ITFG1: variants seen among roughly 807,000 people sequenced by gnomAD.
ITFG1 encodes the protein T-cell immunomodulatory protein.
In ITFG1, 34 loss-of-function variants were observed where a neutral mutation model predicts 81.8. The ratio of observed to expected loss-of-function variants is 0.42; its 90% CI spans 0.32 to 0.55. ITFG1 has a LOEUF of 0.55. Ranked by LOEUF, ITFG1 falls within the 20% of genes least tolerant of loss-of-function variation. The pLI is 0.17. For synonymous variants in ITFG1, 285 were observed against 270.6 expected (o/e 1.05, Z -0.52); for missense variants, 672 against 755.4 (o/e 0.89, Z 1.29).
At chr16:47,251,617 C>T (rs1427364354) in intron 12 of ITFG1, among the ~76,000 whole-genome samples, 1 of 152,184 alleles carries the variant, frequency 6.6e-6, no homozygotes, top group Non-Finnish European at 1.5e-5. Flanking sequence ...CAAAGATGAG[C>T]ATATTACAGT....
intron 14 of ITFG1, among the ~76,000 whole-genome samples, chr16:47,163,056 G>T (rs1227705583): frequency 6.6e-6 from 1 of 152,048 alleles, no homozygotes; most frequent in African/African-American, 2.4e-5. Context: ...CCTGCCTCGG[G>T]CTCTCAAAAT....
intron 8 of ITFG1, among the ~76,000 whole-genome samples, chr16:47,342,813 C>T (rs1596912156): frequency 1.3e-5 from 2 of 152,112 alleles, no homozygotes; most frequent in Middle Eastern, 6.8e-3. Context: ...AGTTGAAATG[C>T]TTGTAAACTA....
At chr16:47,452,680 T>G (rs185008251) in intron 4 of ITFG1, 53 bp downstream of exon 4, 9 of 1,222,924 alleles carry the variant, frequency 7.4e-6, no homozygotes, top group Non-Finnish European at 1.1e-5. Flanking sequence ...TGTGAAGATT[T>G]TATTTTATGT....
At chr16:47,394,409 G>T (rs969777313) in intron 6 of ITFG1, among the ~76,000 whole-genome samples, 1 of 152,016 alleles carries the variant, frequency 6.6e-6, no homozygotes, top group African/African-American at 2.4e-5. Context: ...TTTGAGAATC[G>T]CTCATGACTC....
intron 5 of ITFG1, among the ~76,000 whole-genome samples, chr16:47,450,641 A>C (rs944119446): frequency 1.3e-5 from 2 of 152,220 alleles, no homozygotes; most frequent in Admixed American, 1.3e-4. Flanking sequence ...AGACAGATTG[A>C]TAAGGGTGGT....
chr16:47,309,799 G>T (rs1967228346), intron 10 of ITFG1, among the ~76,000 whole-genome samples: 1 of 152,096 alleles, frequency 6.6e-6, no homozygotes, highest in South Asian at 2.1e-4. Flanking sequence ...AATGGCAAAG[G>T]AATTGTTAAC....
chr16:47,327,307 C>T (rs1210151723), intron 8 of ITFG1, among the ~76,000 whole-genome samples: 2 of 152,132 alleles, frequency 1.3e-5, no homozygotes, highest in African/African-American at 4.8e-5. Context: ...TTCCTTACAC[C>T]TTATACAAAA....
At chr16:47,253,475 C>G (rs576768885) in intron 12 of ITFG1, among the ~76,000 whole-genome samples, 1 of 152,132 alleles carries the variant, frequency 6.6e-6, no homozygotes, top group African/African-American at 2.4e-5. Flanking sequence ...TTTTCCTGAG[C>G]AGGACCATGA....
At chr16:47,159,093 A>G in intron 16 of ITFG1, 103 bp from the exon 17 acceptor site, 1 of 510,550 alleles carries the variant, frequency 2.0e-6, no homozygotes, top group Non-Finnish European at 3.4e-6. Context: ...TAAACAGTCA[A>G]TGTATTCATT....
At chr16:47,449,553 G>T (rs1004728284) in intron 5 of ITFG1, 3 of 152,134 alleles carry the variant, frequency 2.0e-5, no homozygotes, top group African/African-American at 7.2e-5. Context: ...CTTCAAACTG[G>T]CATCAGGACA....
chr16:47,326,520 G>C (rs537059980), intron 8 of ITFG1, among the ~76,000 whole-genome samples: 9 of 152,298 alleles, frequency 5.9e-5, no homozygotes, highest in East Asian at 5.8e-4. Flanking sequence ...ATTAGGAAAA[G>C]AGGAAGTCAA....
At chr16:47,315,654 G>A (rs879940012) in intron 8 of ITFG1, among the ~76,000 whole-genome samples, 2 of 151,874 alleles carry the variant, frequency 1.3e-5, no homozygotes, top group South Asian at 2.1e-4. Context: ...TATCTAACTC[G>A]TGGAAACAGC....
intron 12 of ITFG1, among the ~76,000 whole-genome samples, chr16:47,254,985 G>A (rs1966123202): frequency 6.6e-6 from 1 of 152,182 alleles, no homozygotes. Flanking sequence ...TACTTTGGAA[G>A]CTGAGGCATG....
intron 8 of ITFG1, among the ~76,000 whole-genome samples, chr16:47,350,037 C>T (rs1011869938): frequency 2.0e-4 from 31 of 152,096 alleles, no homozygotes; most frequent in Non-Finnish European, 7.4e-5. Context: ...ACACAACATA[C>T]CAGAATCTCT....
rs144553201 is a variant in ITFG1 at position 47,452,801 on chromosome 16, G to GAT, written c.428-13_428-12dup. 1.1e-3 allele frequency: 1,552 copies of GAT among 1,376,860 alleles called. 1 individual carries two copies. The highest frequency in any genetic ancestry group is 2.8e-3 in the African/African-American group (188 of 67,718). The allele number at this position is 1,376,860 out of a possible 1,614,324, so 85.3% of individuals were successfully genotyped here. On this transcript the variant is annotated splice_polypyrimidine_tract_variant and intron_variant, in intron 3 of 17. Transcript: ENST00000320640. Reference sequence around the variant, plus strand: ...TCATATTGTTAGGATCTGCAAAAAAGATATATATATATATGAATTAGCAGG... The same window carrying GAT: ...TCATATTGTTAGGATCTGCAAAAAAGATATATATATATATATGAATTAGCAGG...
chr16:47,394,094 A>T (rs1351366411), intron 6 of ITFG1, among the ~76,000 whole-genome samples: 1 of 152,194 alleles, frequency 6.6e-6, no homozygotes, highest in East Asian at 1.9e-4. Flanking sequence ...AGGATTTAAG[A>T]ACTTATTTAG....
In ITFG1 at chr16:47,155,752, T is replaced by C. The variant is rs751547104; in HGVS notation, c.1806A>G (p.Gln602=). The part of the protein sequence containing the change: ...EKKADDREKR[Q]EAHRFHFDAM ...CATCAAAATGAAACCGGTGGGCTTC[T>C]TGTCGTTTTTCTCTATCATCTGCTT... The change falls in exon 18 of 18, where the codon CAA becomes CAG. Residue 602 remains glutamine (Q), a synonymous_variant. Coordinates refer to ENST00000320640, the MANE Select transcript of ITFG1 (RefSeq NM_030790.5). 15 of 1,609,470 alleles carry C rather than the reference T, an allele frequency of 9.3e-6. No individual in the cohort carries two copies. The highest frequency in any genetic ancestry group is 1.7e-5 in the Admixed American group (1 of 59,112).
chr16:47,457,919 T>G (rs1262373948), intron 2 of ITFG1, among the ~76,000 whole-genome samples: 1 of 152,202 alleles, frequency 6.6e-6, no homozygotes, highest in Non-Finnish European at 1.5e-5. Flanking sequence ...TTCCTGTTTA[T>G]CCATTTATAA....
chr16:47,450,277 T>C (rs1375109994), intron 5 of ITFG1: 2 of 158,186 alleles, frequency 1.3e-5, no homozygotes, highest in Non-Finnish European at 1.4e-5. Context: ...AGGTTTCTCA[T>C]TCAGGATTCA....
Sources: gnomAD v4.1 joint callset for allele counts (sites outside exome capture counted in the v4.1 genomes callset) on GRCh38, gnomAD v4.1.1 for gene constraint, MANE v1.5 for transcripts, NCBI Gene and HGNC (gene_info 2026-07-23, HGNC 2026-07-21) for gene names.